The following BAG5 variants were observed in gnomAD, a reference collection of about 807,000 sequenced individuals.
BAG5 encodes the protein BAG family molecular chaperone regulator 5.
Under a neutral mutation model 31.8 loss-of-function variants are expected in BAG5, and 25 were observed. The observed-to-expected ratio is 0.79, with a 90% CI of 0.57 to 1.10. The LOEUF (loss-of-function observed/expected upper bound fraction) is 1.10. Among genes scored for constraint, BAG5 ranks in the 50% least tolerant of loss-of-function variants. BAG5 has a pLI of 0.00. For missense variants in BAG5, 491 were observed against 527.9 expected (o/e 0.93, Z 0.68); for synonymous variants, 208 against 205.0 (o/e 1.01, Z -0.13).
At position 103,559,805 on chromosome 14, in the gene BAG5, T is replaced by G; in HGVS notation, c.*16A>C. 6.2e-7 allele frequency: 1 copy of G among 1,606,124 alleles called. No individual in the cohort carries two copies. The highest frequency in any genetic ancestry group is 8.5e-7 in the Non-Finnish European group (1 of 1,175,232). Reference sequence around the variant, plus strand: ...ATGAAGTGCAAAACAGTATCAAAAGTGAGATCTCTGGTATTTCAGTACTCC... The same window carrying G: ...ATGAAGTGCAAAACAGTATCAAAAGGGAGATCTCTGGTATTTCAGTACTCC... On this transcript the variant is annotated 3_prime_UTR_variant, in exon 2 of 2. Coordinates refer to ENST00000299204, the MANE Select transcript of BAG5 (RefSeq NM_001015048.3).
At position 103,558,860 on chromosome 14, in the gene BAG5, G is replaced by C. The variant is rs1281781724; in HGVS notation, c.*961C>G. 6.6e-6 allele frequency: 1 copy of C among 152,218 alleles called. No individual in the cohort carries two copies. Among genetic ancestry groups the C allele is most frequent in the African/African-American group, 2.4e-5 (1 of 41,454 alleles). The allele number at this position is 152,218 out of a possible 1,614,324, so 9.4% of individuals were successfully genotyped here. A position where few individuals can be genotyped will look rare whatever the true frequency, so the allele number is the denominator to read the frequency against. ...AAACAGCACCGGGGAGGTGTGACAAGGCTGTCCATTTTACAGCCTTGGACA... is the reference window on the plus strand; with the variant it reads ...AAACAGCACCGGGGAGGTGTGACAACGCTGTCCATTTTACAGCCTTGGACA... On this transcript the variant is annotated 3_prime_UTR_variant, in exon 2 of 2. Transcript: ENST00000299204.
Position 103,559,628 on chromosome 14 carries a change from G to A in BAG5, c.*193C>T, listed in dbSNP as rs914648111. The stretch of plus-strand genomic sequence containing the variant: ...CACCACATCATACAGATAATGATCC[G>A]AATGGAAAAGTTAACGTGCTGTAAT... On this transcript the variant is annotated 3_prime_UTR_variant, in exon 2 of 2. Coordinates refer to ENST00000299204, the MANE Select transcript of BAG5 (RefSeq NM_001015048.3). The A allele has an allele frequency of 9.6e-5, 64 of 664,442 alleles. No individual in the cohort carries two copies. Among genetic ancestry groups the A allele is most frequent in the African/African-American group, 7.8e-4 (43 of 55,194 alleles). The allele number at this position is 664,442 out of a possible 1,614,324, so 41.2% of individuals were successfully genotyped here. A position where few individuals can be genotyped will look rare whatever the true frequency, so the allele number is the denominator to read the frequency against.
At chr14:103,562,294 G>C (rs1221926493) in intron 1 of BAG5, 4 of 423,278 alleles carry the variant, frequency 9.5e-6, no homozygotes, top group Non-Finnish European at 1.7e-5. Flanking sequence ...CGGGCGTCTT[G>C]GCCCGGGTGC....
intron 1 of BAG5, among the ~76,000 whole-genome samples, chr14:103,561,609 G>A (rs150939989): frequency 6.6e-6 from 1 of 152,116 alleles, no homozygotes; most frequent in African/African-American, 2.4e-5. Context: ...CTAAGCAAAA[G>A]AAAGAACCAG....
At position 103,557,391 on chromosome 14, in the gene BAG5, T is replaced by TTGAAA. The variant is rs2076044835; in HGVS notation, c.*2429_*2430insTTTCA. 6.6e-6 allele frequency: 1 copy of TTGAAA among 152,130 alleles called. No individual in the cohort carries two copies. The highest frequency in any genetic ancestry group is 1.5e-5 in the Non-Finnish European group (1 of 68,024). 9.4% of individuals were successfully genotyped at this position (152,130 alleles called of 1,614,324 possible). A position where few individuals can be genotyped will look rare whatever the true frequency, so the allele number is the denominator to read the frequency against. On this transcript the variant is annotated 3_prime_UTR_variant, in exon 2 of 2. Transcript: ENST00000299204. Reference sequence around the variant, plus strand: ...CCAGAAACAAAGCCATGCCTGACAGTCAATCAAGGTCAATCTGATCATTTC... The same window carrying TTGAAA: ...CCAGAAACAAAGCCATGCCTGACAGTTGAAACAATCAAGGTCAATCTGATCATTTC...
Position 103,560,205 on chromosome 14 carries a change from T to TA in BAG5, c.959dup (p.Ser321LysfsTer3), listed in dbSNP as rs1281977256. ...GGATGCAGGGGTTTTTTTCAAGACT[T>TA]ACCTCATCCAACTGTCCAATTAAAC... is the stretch of plus-strand genomic sequence containing the variant. On this transcript the variant is annotated frameshift_variant, in exon 2 of 2. Coordinates refer to ENST00000299204, the MANE Select transcript of BAG5 (RefSeq NM_001015048.3). LOFTEE classifies it high-confidence loss of function. 1 of 1,614,190 alleles carries TA rather than the reference T, an allele frequency of 6.2e-7. No homozygotes were observed. The highest frequency in any genetic ancestry group is 1.7e-5 in the Admixed American group (1 of 60,018).
At position 103,560,870 on chromosome 14, in the gene BAG5, C is replaced by A; in HGVS notation, c.295G>T (p.Glu99Ter). 4 of 1,614,104 alleles carry A rather than the reference C, an allele frequency of 2.5e-6. No homozygotes were observed. The highest frequency in any genetic ancestry group is 3.4e-6 in the Non-Finnish European group (4 of 1,180,016). ...PHRIEIQNIF[E>*]EAQSLVREKI... Reference sequence around the variant, plus strand: ...TCTCTCACGAGGGACTGGGCTTCCTCAAAAATGTTCTGTATTTCAATCCGG... The same window carrying A: ...TCTCTCACGAGGGACTGGGCTTCCTAAAAAATGTTCTGTATTTCAATCCGG... Residue 99 changes from glutamate to a stop codon, truncating the protein, a stop_gained, in exon 2 of 2, where the codon GAG becomes TAG. Transcript: ENST00000299204. LOFTEE classifies it high-confidence loss of function.
At chr14:103,562,016 C>G (rs752492191) in intron 1 of BAG5, 1 of 1,604,494 alleles carries the variant, frequency 6.2e-7, no homozygotes, top group Non-Finnish European at 8.5e-7. Context: ...ATAATCTATC[C>G]CCGGCGGATG....
chr14:103,561,221 T>TAAAAG, intron 1 of BAG5, 29 bp from the exon 2 acceptor site: 1 of 1,551,152 alleles, frequency 6.4e-7, no homozygotes, highest in Non-Finnish European at 8.6e-7. Flanking sequence ...GATAACTTAC[T>TAAAAG]ACAGCACAAG....
At position 103,560,474 on chromosome 14, in the gene BAG5, C is replaced by T. The variant is rs773478504; in HGVS notation, c.691G>A (p.Asp231Asn). 13 of 1,614,146 alleles carry T rather than the reference C, an allele frequency of 8.1e-6. No individual in the cohort carries two copies. The Admixed American group carries it at 2.0e-4, about 25-fold the overall frequency. Residue 231 changes from aspartate (D) to asparagine (N), a missense_variant, in exon 2 of 2, where the codon GAT becomes AAT. Physicochemically the swap from Asp to Asn is conservative, Grantham distance 23. Coordinates refer to ENST00000299204, the MANE Select transcript of BAG5 (RefSeq NM_001015048.3). ...SGLIADLDALDVCGRTEIRNY... is the reference protein window; with the variant it reads ...SGLIADLDALNVCGRTEIRNY... ...CTGATTTCTGTCCGGCCGCACACAT[C>T]TAGAGCATCCAGGTCAGCGATCAGC... is the stretch of plus-strand genomic sequence containing the variant.
chr14:103,561,811 G>A, intron 1 of BAG5: 3 of 830,098 alleles, frequency 3.6e-6, no homozygotes, highest in Non-Finnish European at 4.0e-6. Context: ...ACCACCTTGG[G>A]CTTTCGAGGC....
chr14:103,562,312 C>T, intron 1 of BAG5: 1 of 386,542 alleles, frequency 2.6e-6, no homozygotes, highest in Non-Finnish European at 4.8e-6. Flanking sequence ...TGCCAGGGCG[C>T]GCCTGCAGGA....
chr14:103,562,149 G>A, intron 1 of BAG5: 1 of 650,890 alleles, frequency 1.5e-6, no homozygotes, highest in Non-Finnish European at 2.8e-6. Context: ...TGGCTGAGGT[G>A]GCGAGGTGGA....
At chr14:103,561,687 G>T in intron 1 of BAG5, 1 of 536,018 alleles carries the variant, frequency 1.9e-6, no homozygotes. Context: ...ATCCCTTTGT[G>T]CACTTCCCCT....
chr14:103,560,358 G>A lies in BAG5; in HGVS notation c.807C>T (p.Asp269=). ...EEEADTTKAF[D]LRQNHSILKI... is the part of the protein sequence containing the mutation. ...TTAAAATGGAATGATTCTGTCTCAG[G>A]TCAAATGCTTTAGTTGTGTCTGCTT... The change falls in exon 2 of 2, where the codon GAC becomes GAT. Residue 269 remains aspartate (D), a synonymous_variant. Coordinates refer to ENST00000299204, the MANE Select transcript of BAG5 (RefSeq NM_001015048.3). 1.9e-6 allele frequency: 3 copies of A among 1,614,096 alleles called. No homozygotes were observed. Among genetic ancestry groups the A allele is most frequent in the South Asian group, 2.2e-5 (2 of 91,072 alleles).
At chr14:103,561,862 A>AC in intron 1 of BAG5, 1 of 1,464,350 alleles carries the variant, frequency 6.8e-7, no homozygotes, top group Non-Finnish European at 9.5e-7. Flanking sequence ...ACTCTCTCAA[A>AC]AAAAAACAAC....
rs918473253 is a variant in BAG5 at position 103,556,731 on chromosome 14, A to G, written c.*3090T>C. The stretch of plus-strand genomic sequence containing the variant: ...ACACTTGTATTATATGTAAAAATCG[A>G]TGGCCAATATTTCTCTTATTAAGAG... On this transcript the variant is annotated 3_prime_UTR_variant, in exon 2 of 2. Coordinates refer to ENST00000299204, the MANE Select transcript of BAG5 (RefSeq NM_001015048.3). 1.3e-5 allele frequency: 2 copies of G among 152,136 alleles called. No homozygotes were observed. Among genetic ancestry groups the G allele is most frequent in the African/African-American group, 4.8e-5 (2 of 41,426 alleles). 9.4% of individuals were successfully genotyped at this position (152,136 alleles called of 1,614,324 possible).
rs1309421866 is a variant in BAG5, at chr14:103,559,218, C to T, written c.*603G>A. The T allele has an allele frequency of 6.6e-6, 1 of 152,148 alleles. No individual in the cohort carries two copies. Among genetic ancestry groups the T allele is most frequent in the Non-Finnish European group, 1.5e-5 (1 of 68,050 alleles). 9.4% of individuals were successfully genotyped at this position (152,148 alleles called of 1,614,324 possible). On this transcript the variant is annotated 3_prime_UTR_variant, in exon 2 of 2. Coordinates refer to ENST00000299204, the MANE Select transcript of BAG5 (RefSeq NM_001015048.3). ...TGTTGCACACAAAAACAAGATTCCT[C>T]TCTAAAACGTAGAGGATGGGGAAAA...
At position 103,559,002 on chromosome 14, in the gene BAG5, T is replaced by C. The variant is rs1288412194; in HGVS notation, c.*819A>G. 2 of 25,310 alleles carry C rather than the reference T, an allele frequency of 7.9e-5. No individual in the cohort carries two copies. The highest frequency in any genetic ancestry group is 3.3e-4 in the Admixed American group (1 of 3,056). The allele number at this position is 25,310 out of a possible 1,614,324, so 1.6% of individuals were successfully genotyped here. A position where few individuals can be genotyped will look rare whatever the true frequency, so the allele number is the denominator to read the frequency against. On this transcript the variant is annotated 3_prime_UTR_variant, in exon 2 of 2. Transcript: ENST00000299204. ...CCAACTACAGGTATGAGTGTTTCCT[T>C]TTTTTTTTTTTAAAGGCCCATTAAC...
Sources: allele counts gnomAD v4.1 joint callset (sites outside exome capture counted in the v4.1 genomes callset), GRCh38; gene constraint gnomAD v4.1.1; transcripts MANE v1.5; gene names NCBI Gene and HGNC (gene_info 2026-07-23, HGNC 2026-07-21).